CCM2L: variants seen among roughly 807,000 people sequenced by gnomAD.
The protein encoded by CCM2L is CCM2 like scaffold protein.
In CCM2L, 36 loss-of-function variants were observed where a neutral mutation model predicts 54.1. The observed-to-expected ratio is 0.67, with a 90% confidence interval of 0.51 to 0.88. The LOEUF (loss-of-function observed/expected upper bound fraction) is 0.88, where lower values mean the gene tolerates loss of function less well. CCM2L is among the 40% of genes least tolerant of loss of function. The pLI, the probability that CCM2L is intolerant of heterozygous loss-of-function variation, is 0.00. For missense variants in CCM2L, 700 were observed against 812.1 expected, an observed-to-expected ratio of 0.86 and a Z score of 1.68; for synonymous variants, 351 against 359.3, an observed-to-expected ratio of 0.98 and a Z score of 0.26.
rs1473406490 is a variant in CCM2L at position 32,029,784 on chromosome 20, T to G, written c.1348T>G (p.Tyr450Asp). Residue 450 changes from tyrosine to aspartate, a missense_variant, in exon 9 of 10, where the codon TAT becomes GAT. Tyr to Asp is a radical substitution (Grantham distance 160). Transcript: ENST00000452892. ...CCGGCTGGGGCTGCCCATCCAGGAC[T>G]ATTGCACAGGCCTGCTGAAGCTCTA... ...EYRLGLPIQDYCTGLLKLYGD... is the reference protein window; with the variant it reads ...EYRLGLPIQDDCTGLLKLYGD... 2 of 1,613,108 alleles carry G rather than the reference T, an allele frequency of 1.2e-6. No individual in the cohort carries two copies. Among genetic ancestry groups the G allele is most frequent in the Non-Finnish European group, 1.7e-6 (2 of 1,179,496 alleles).
At chr20:32,025,116 CCCCTTT>C (rs1237451619) in intron 6 of CCM2L, among the ~76,000 whole-genome samples, 1 of 149,434 alleles carries the variant, frequency 6.7e-6, no homozygotes, top group East Asian at 1.9e-4. Flanking sequence ...CCTTCCCCTT[CCCCTTT>C]CTTTCTTTCT....
At position 32,017,889 on chromosome 20, in the gene CCM2L, ACT is replaced by A. The variant is rs768310925; in HGVS notation, c.282+9_282+10del. 2.5e-6 allele frequency: 4 copies of A among 1,613,296 alleles called. No individual in the cohort carries two copies. The African/African-American group carries it at 5.4e-5, about 22-fold the overall frequency. On this transcript the variant is annotated splice_region_variant and intron_variant, in intron 3 of 9. Coordinates refer to ENST00000452892, the MANE Select transcript of CCM2L (RefSeq NM_001365692.1). ...AGCTGCTAGACACCGCCAGGGTGAG[ACT>A]CTGGGGAGGGAGGAGGGCAGGATCT...
chr20:32,022,113 C>G (rs2064811099), intron 5 of CCM2L, among the ~76,000 whole-genome samples: 1 of 152,042 alleles, frequency 6.6e-6, no homozygotes, highest in South Asian at 2.1e-4. Context: ...TTTGTAGTCT[C>G]AAAAAAGTTT....
At chr20:32,018,186 GGGGGAGGGGCGGGGGCGGGGGC>G in intron 4 of CCM2L, 24 bp downstream of exon 4, 5 of 755,608 alleles carry the variant, frequency 6.6e-6, no homozygotes, top group African/African-American at 3.0e-5. Flanking sequence ...GGGCGGGGGC[GGGGGAGGGGCGGGGGCGGGGGC>G]GGGGGAGGGG....
chr20:32,014,921 C>T lies in CCM2L; in HGVS notation c.48C>T (p.Ile16=). 6.2e-7 allele frequency: 1 copy of T among 1,600,232 alleles called. No homozygotes were observed. The highest frequency in any genetic ancestry group is 8.5e-7 in the Non-Finnish European group (1 of 1,173,564). The change falls in exon 2 of 10, where the codon ATC becomes ATT. Residue 16 remains isoleucine, a synonymous_variant. Transcript: ENST00000452892. ...KKGKKGFVSP[I]RRLVFPKAGR... The stretch of plus-strand genomic sequence containing the variant: ...CTCCCCAGGGCTTTGTATCCCCCAT[C>T]CGAAGGCTGGTGTTCCCCAAGGCCG...
chr20:32,010,785 G>A (rs1041858251), intron 1 of CCM2L, among the ~76,000 whole-genome samples: 3 of 152,026 alleles, frequency 2.0e-5, no homozygotes, highest in Non-Finnish European at 2.9e-5. Flanking sequence ...GGTGTTCCCC[G>A]CAGCTCCCTC....
In CCM2L at chr20:32,031,838, T is replaced by C. The variant is rs1216418760; in HGVS notation, c.*524T>C. The C allele has an allele frequency of 6.6e-6, 1 of 152,562 alleles. No homozygotes were observed. Among genetic ancestry groups the C allele is most frequent in the Non-Finnish European group, 1.5e-5 (1 of 68,240 alleles). 9.5% of individuals were successfully genotyped at this position (152,562 alleles called of 1,614,324 possible). A position where few individuals can be genotyped will look rare whatever the true frequency, so the allele number is the denominator to read the frequency against. On this transcript the variant is annotated 3_prime_UTR_variant, in exon 10 of 10. Transcript: ENST00000452892. ...CCATACTAAACAGTGTAGAAGGTCT[T>C]TTTAAGGCTCTAAATGTCAGGGTCT...
chr20:32,018,899 T>C, intron 4 of CCM2L, 44 bp from the exon 5 acceptor site: 2 of 1,261,286 alleles, frequency 1.6e-6, no homozygotes, highest in East Asian at 3.2e-5. Flanking sequence ...GGGGGGTCTC[T>C]GAGTCCCGAT....
chr20:32,030,936 A>G, intron 9 of CCM2L, 65 bp from the exon 10 acceptor site: 1 of 1,263,840 alleles, frequency 7.9e-7, no homozygotes, highest in South Asian at 1.3e-5. Flanking sequence ...TGCAGAGAGG[A>G]CGCTTCCCCT....
At position 32,031,604 on chromosome 20, in the gene CCM2L, G is replaced by T. The variant is rs1209659226; in HGVS notation, c.*290G>T. The T allele has an allele frequency of 4.2e-6, 1 of 239,346 alleles. No homozygotes were observed. The highest frequency in any genetic ancestry group is 8.3e-6 in the Non-Finnish European group (1 of 119,986). The allele number at this position is 239,346 out of a possible 1,614,324, so 14.8% of individuals were successfully genotyped here. On this transcript the variant is annotated 3_prime_UTR_variant, in exon 10 of 10. Transcript: ENST00000452892. Reference sequence around the variant, plus strand: ...CTGCTTTGTCCCAGAAGTCCAGAGGGATCAGCCCCAGAACACACCCTCCTC... The same window carrying T: ...CTGCTTTGTCCCAGAAGTCCAGAGGTATCAGCCCCAGAACACACCCTCCTC...
intron 5 of CCM2L, among the ~76,000 whole-genome samples, chr20:32,022,354 A>G (rs553850603): frequency 7.2e-5 from 11 of 152,238 alleles, no homozygotes; most frequent in African/African-American, 2.4e-4. Context: ...CTCCGTTTCC[A>G]TATCTATACA....
At chr20:32,017,706 A>C (rs1238292480) in intron 2 of CCM2L, 94 bp from the exon 3 acceptor site, 1 of 975,984 alleles carries the variant, frequency 1.0e-6, no homozygotes, top group African/African-American at 1.6e-5. Context: ...TTTCTATCTC[A>C]ATCTATCCGC....
At chr20:32,029,551 G>A in intron 8 of CCM2L, 149 bp from the exon 9 acceptor site, 1 of 1,001,394 alleles carries the variant, frequency 1.0e-6, no homozygotes, top group Non-Finnish European at 1.4e-6. Flanking sequence ...GCAGCCTAAG[G>A]GATCTAGATG....
At chr20:32,012,073 G>C (rs1179439171) in intron 1 of CCM2L, among the ~76,000 whole-genome samples, 1 of 151,936 alleles carries the variant, frequency 6.6e-6, no homozygotes, top group East Asian at 1.9e-4. Flanking sequence ...TGTGCCCTCT[G>C]CTTGGCATGC....
intron 6 of CCM2L, among the ~76,000 whole-genome samples, chr20:32,023,105 T>G (rs1258211539): frequency 6.6e-6 from 1 of 152,186 alleles, no homozygotes; most frequent in Admixed American, 6.5e-5. Context: ...TAGCTGGGAT[T>G]ACAGGCATGT....
intron 2 of CCM2L, among the ~76,000 whole-genome samples, chr20:32,015,797 T>G (rs561882390): frequency 6.6e-6 from 1 of 152,060 alleles, no homozygotes; most frequent in East Asian, 1.9e-4. Context: ...TTGCTGTTAC[T>G]CGGACAGCGT....
rs751599208 is a variant in CCM2L at position 32,028,803 on chromosome 20, G to A, written c.1134-192G>A. ...GAGGAAGAAGGAGAAGGGGGGTGGG[G>A]GGCGCGAAGCACAAAGAGCAAAGGC... On this transcript the variant is annotated intron_variant, in intron 7 of 9. Transcript: ENST00000452892. 44 of 630,950 alleles carry A rather than the reference G, an allele frequency of 7.0e-5. 1 individual carries two copies. The highest frequency in any genetic ancestry group is 5.9e-4 in the South Asian group (30 of 50,452). 39.1% of individuals were successfully genotyped at this position (630,950 alleles called of 1,614,324 possible).
At position 32,031,283 on chromosome 20, in the gene CCM2L, G is replaced by A. The variant is rs1188439446; in HGVS notation, c.1685G>A (p.Gly562Glu). The change falls in exon 10 of 10, where the codon GGG becomes GAG. Residue 562 changes from glycine (G) to glutamate (E), a missense_variant. By Grantham distance (98) the Gly-to-Glu change is moderately conservative. Transcript: ENST00000452892. ...DEDEPRGSRG[G>E]SDAAEDNYL ...GATGAGCCCCGGGGCTCCAGGGGCG[G>A]GAGCGACGCCGCAGAAGACAACTAC... is the stretch of plus-strand genomic sequence containing the variant. 1 of 1,289,998 alleles carries A rather than the reference G, an allele frequency of 7.8e-7. No homozygotes were observed. Among genetic ancestry groups the A allele is most frequent in the East Asian group, 5.6e-5 (1 of 17,924 alleles). 79.9% of individuals were successfully genotyped at this position (1,289,998 alleles called of 1,614,324 possible). A position where few individuals can be genotyped will look rare whatever the true frequency, so the allele number is the denominator to read the frequency against.
chr20:32,010,559 G>GAGGGGGGAAAA, intron 1 of CCM2L, 75 bp downstream of exon 1: 1 of 1,056,192 alleles, frequency 9.5e-7, no homozygotes, highest in Non-Finnish European at 1.4e-6. Context: ...CTGGGGCGGG[G>GAGGGGGGAAAA]TGGGGGGTCG....
Sources: allele counts gnomAD v4.1 joint callset (sites outside exome capture counted in the v4.1 genomes callset), GRCh38; gene constraint gnomAD v4.1.1; transcripts MANE v1.5; gene names NCBI Gene and HGNC (gene_info 2026-07-23, HGNC 2026-07-21).